NPHS1: variants seen among roughly 807,000 people sequenced by gnomAD.
The protein encoded by NPHS1 is nephrin.
NPHS1 carries 107 observed loss-of-function variants against 139.7 expected under a neutral mutation model. That is an observed-to-expected ratio of 0.77 (90% CI 0.66 to 0.90). The LOEUF is 0.90. Among genes scored for constraint, NPHS1 ranks in the 40% least tolerant of loss-of-function variants. The probability of loss-of-function intolerance (pLI) is 0.00; values close to 1 mark genes in which losing one functional copy is unlikely to be tolerated. For synonymous variants in NPHS1, 707 were observed against 706.6 expected (o/e 1.00, Z -0.01); for missense variants, 1,580 against 1,654.2 (o/e 0.96, Z 0.78).
chr19:35,841,825 C>T lies in NPHS1; in HGVS notation c.2705G>A (p.Ser902Asn), dbSNP rs749246924. Residue 902 changes from serine to asparagine, a missense_variant, in exon 20 of 29, where the codon AGC becomes AAC. By Grantham distance (46) the Ser-to-Asn change is conservative. Coordinates refer to ENST00000378910, the MANE Select transcript of NPHS1 (RefSeq NM_004646.4). ...AGACACGTTGGCAATGGTCAGGAGG[C>T]TGCTGTGGACACCACCCTGGTGGTA... ...HTYHQGGVHS[S>N]LLTIANVSAA... The T allele has an allele frequency of 5.0e-5, 80 of 1,613,850 alleles. No homozygotes were observed. Among genetic ancestry groups the T allele is most frequent in the Non-Finnish European group, 6.8e-5 (80 of 1,179,944 alleles).
chr19:35,841,149 C>T lies in NPHS1; in HGVS notation c.2815+566G>A, dbSNP rs191321564. Among the ~76,000 whole-genome samples the T allele has an allele frequency of 2.4e-3, 358 of 151,226 alleles. 1 individual carries two copies. Among genetic ancestry groups the T allele is most frequent in the African/African-American group, 8.0e-3 (331 of 41,332 alleles). On this transcript the variant is annotated intron_variant, in intron 20 of 28. Transcript: ENST00000378910. ...ATCCCACCACTTTGGGAGGCTGAGG[C>T]GGGCAGATCACCTGAGGTCAGGAGA...
chr19:35,827,818 G>A (rs1972817949), intron 28 of NPHS1, among the ~76,000 whole-genome samples: 1 of 152,192 alleles, frequency 6.6e-6, no homozygotes, highest in Non-Finnish European at 1.5e-5. Flanking sequence ...TTGGGAGGCT[G>A]AGGCAGGAGA....
At position 35,845,315 on chromosome 19, in the gene NPHS1, G is replaced by A. The variant is rs1973119105; in HGVS notation, c.1930+53C>T. 6.4e-7 allele frequency: 1 copy of A among 1,558,244 alleles called. No individual in the cohort carries two copies. Among genetic ancestry groups the A allele is most frequent in the South Asian group, 1.1e-5 (1 of 90,056 alleles). On this transcript the variant is annotated intron_variant, in intron 14 of 28. Transcript: ENST00000378910. This position sits in a 1 kb window ranked among gnomAD's most constrained non-coding sequence, Gnocchi z 5.5. ...AGGAAAAAAAGGTAAGACCCAAGGAGTAGTTTAGGGTCAAGAAGGCATCGA... is the reference window on the plus strand; with the variant it reads ...AGGAAAAAAAGGTAAGACCCAAGGAATAGTTTAGGGTCAAGAAGGCATCGA...
rs1298603657 is a variant in NPHS1, at chr19:35,845,634, A to G, written c.1757+35T>C. On this transcript the variant is annotated intron_variant, in intron 13 of 28. Transcript: ENST00000378910. The surrounding 1 kb of genome is among the most constrained non-coding windows in gnomAD (Gnocchi z 5.5). Reference sequence around the variant, plus strand: ...GGACATGCGTGGAGGGGGCGAGGCCAGACCAGAGAGGGGAGGGATCCCTCG... The same window carrying G: ...GGACATGCGTGGAGGGGGCGAGGCCGGACCAGAGAGGGGAGGGATCCCTCG... 1.2e-6 allele frequency: 2 copies of G among 1,611,018 alleles called. No individual in the cohort carries two copies. The highest frequency in any genetic ancestry group is 3.4e-5 in the Admixed American group (2 of 59,596).
intron 28 of NPHS1, among the ~76,000 whole-genome samples, chr19:35,828,424 C>T (rs1972829260): frequency 6.6e-6 from 1 of 152,110 alleles, no homozygotes; most frequent in Non-Finnish European, 1.5e-5. Flanking sequence ...GCCACCACAC[C>T]CGGCTAACTT....
chr19:35,851,333 T>C lies in NPHS1; in HGVS notation c.326A>G (p.Tyr109Cys), dbSNP rs993777150. The C allele has an allele frequency of 1.2e-6, 2 of 1,613,822 alleles. No homozygotes were observed. The highest frequency in any genetic ancestry group is 8.5e-7 in the Non-Finnish European group (1 of 1,179,902). ...EACDLSDDAEYECQVGRSEMG... is the reference protein window; with the variant it reads ...EACDLSDDAECECQVGRSEMG... ...CTCAGAGCGGCCGACCTGGCACTCA[T>C]ACTCCGCGTCATCGCTGAGGTCACA... Residue 109 changes from tyrosine (Y) to cysteine (C), a missense_variant, in exon 3 of 29, where the codon TAT (tyrosine) becomes TGT (cysteine). Tyr to Cys is a radical substitution (Grantham distance 194). Transcript: ENST00000378910.
At chr19:35,851,204 G>A (rs1226010240) in intron 3 of NPHS1, 58 bp downstream of exon 3, 34 of 1,613,248 alleles carry the variant, frequency 2.1e-5, no homozygotes, top group African/African-American at 4.0e-5. Context: ...TCCGGGTTGC[G>A]GGGTAGGGGA....
Position 35,831,424 on chromosome 19 carries a change from C to A in NPHS1, c.3311+52G>T, listed in dbSNP as rs966276956. The A allele has an allele frequency of 2.5e-6, 4 of 1,613,074 alleles. No homozygotes were observed. The Admixed American group carries it at 6.7e-5, about 27-fold the overall frequency. ...TTGAGTGCTGCCCCCCGCCACCAGT[C>A]TCCCCCAAACCTCCCTCAGAGCCTT... On this transcript the variant is annotated intron_variant, in intron 25 of 28. Transcript: ENST00000378910.
Position 35,846,133 on chromosome 19 carries a change from C to G in NPHS1, c.1502G>C (p.Ser501Thr). The change falls in exon 12 of 29, where the codon AGC becomes ACC. Residue 501 changes from serine (S) to threonine (T), a missense_variant. Ser to Thr is a moderately conservative substitution (Grantham distance 58). Coordinates refer to ENST00000378910, the MANE Select transcript of NPHS1 (RefSeq NM_004646.4). ...GAAGGTGCTCCCAGATTTCTCCACG[C>G]TGCCGAGATGCACGCGCCGCGACTC... ...PQESRRVHLG[S>T]VEKSGSTFSR... The G allele has an allele frequency of 1.9e-6, 3 of 1,598,132 alleles. No individual in the cohort carries two copies. Among genetic ancestry groups the G allele is most frequent in the Non-Finnish European group, 1.7e-6 (2 of 1,173,600 alleles).
chr19:35,838,176 G>A lies in NPHS1; in HGVS notation c.3109+1061C>T, dbSNP rs375886937. The stretch of plus-strand genomic sequence containing the variant: ...GGAAAATTGCTCAAACCCAGGAGGC[G>A]GGGGTTGCAGTGAGCCGAGACGGCA... On this transcript the variant is annotated intron_variant, in intron 22 of 28. Coordinates refer to ENST00000378910, the MANE Select transcript of NPHS1 (RefSeq NM_004646.4). Among the ~76,000 whole-genome samples, 10 of 151,896 alleles carry A rather than the reference G, an allele frequency of 6.6e-5. No individual in the cohort carries two copies. The East Asian group carries it at 7.8e-4, about 12-fold the overall frequency.
chr19:35,831,821 G>T, intron 23 of NPHS1, 59 bp from the exon 24 acceptor site: 2 of 1,533,840 alleles, frequency 1.3e-6, no homozygotes, highest in East Asian at 2.4e-5. Flanking sequence ...GCCAGGGGTG[G>T]GTCTCCCCGA....
rs745330001 is a variant in NPHS1 at position 35,846,106 on chromosome 19, G to C, written c.1529C>G (p.Ser510Cys). Residue 510 changes from serine (S) to cysteine (C), a missense_variant, in exon 12 of 29, where the codon TCC (serine) becomes TGC (cysteine). By Grantham distance (112) the Ser-to-Cys change is moderately radical. Coordinates refer to ENST00000378910, the MANE Select transcript of NPHS1 (RefSeq NM_004646.4). Reference sequence around the variant, plus strand: ...CCCTGTGACCAGCACCAGCTCTCGGGAGAAGGTGCTCCCAGATTTCTCCAC... The same window carrying C: ...CCCTGTGACCAGCACCAGCTCTCGGCAGAAGGTGCTCCCAGATTTCTCCAC... ...GSVEKSGSTFSRELVLVTGPS... is the reference protein window; with the variant it reads ...GSVEKSGSTFCRELVLVTGPS... 6.3e-7 allele frequency: 1 copy of C among 1,597,188 alleles called. No homozygotes were observed. The highest frequency in any genetic ancestry group is 8.5e-7 in the Non-Finnish European group (1 of 1,172,738).
rs756048226 is a variant in NPHS1, at chr19:35,848,032, G to A, written c.1440+9C>T. ...CTGGCCACCCCCATAGCCCTGGCGT[G>A]GCACCAACCTTGTACCACATGAGGG... On this transcript the variant is annotated intron_variant, in intron 11 of 28. Coordinates refer to ENST00000378910, the MANE Select transcript of NPHS1 (RefSeq NM_004646.4). The A allele has an allele frequency of 4.3e-6, 7 of 1,613,596 alleles. No homozygotes were observed. Among genetic ancestry groups the A allele is most frequent in the Non-Finnish European group, 5.9e-6 (7 of 1,179,994 alleles).
rs1482127176 is a variant in NPHS1 at position 35,846,177 on chromosome 19, G to A, written c.1458C>T (p.Thr486=). Residue 486 remains threonine (T), a synonymous_variant, in exon 12 of 29, where the codon ACC becomes ACT. Transcript: ENST00000378910. ...LMWYKDSRTV[T]ESRLPQESRR... is the part of the protein sequence containing the mutation. ...GCGACTCCTGCGGCAGCCGCGACTC[G>A]GTCACGGTGCGCGAGTCCTACGGGC... The A allele has an allele frequency of 6.3e-7, 1 of 1,593,414 alleles. No individual in the cohort carries two copies. The highest frequency in any genetic ancestry group is 1.3e-5 in the African/African-American group (1 of 74,582).
rs758396671 is a variant in NPHS1 at position 35,850,327 on chromosome 19, A to AG, written c.608+36dup. 6 of 1,560,958 alleles carry AG rather than the reference A, an allele frequency of 3.8e-6. No homozygotes were observed. In the Admixed American group the frequency reaches 8.3e-5, roughly 22 times the overall value. On this transcript the variant is annotated intron_variant, in intron 5 of 28. Coordinates refer to ENST00000378910, the MANE Select transcript of NPHS1 (RefSeq NM_004646.4). ...GTCTGGGGTTCCCATGGGGAAAATT[A>AG]GGGGTCAAGGTTGGGGGGTTGTTTC...
In NPHS1 at chr19:35,851,907, G is replaced by T; in HGVS notation, c.-70C>A. 7.3e-7 allele frequency: 1 copy of T among 1,376,910 alleles called. No individual in the cohort carries two copies. The highest frequency in any genetic ancestry group is 1.0e-6 in the Non-Finnish European group (1 of 989,544). 85.3% of individuals were successfully genotyped at this position (1,376,910 alleles called of 1,614,324 possible). ...ACCTGCGTCTGTCTGGCTTTCTCTG[G>T]GTCCCTCTCTGTGTGTCTCTGCCAC... On this transcript the variant is annotated 5_prime_UTR_variant, in exon 1 of 29. Coordinates refer to ENST00000378910, the MANE Select transcript of NPHS1 (RefSeq NM_004646.4).
intron 17 of NPHS1, 113 bp from the exon 18 acceptor site, chr19:35,842,663 G>T (rs755016076): frequency 9.2e-6 from 10 of 1,091,680 alleles, no homozygotes; most frequent in Non-Finnish European, 1.4e-5. Context: ...CTCCACAGAG[G>T]TATTGAAGAA....
chr19:35,836,236 G>A (rs948766742), intron 22 of NPHS1, among the ~76,000 whole-genome samples: 2 of 149,118 alleles, frequency 1.3e-5, no homozygotes, highest in African/African-American at 2.5e-5. Flanking sequence ...TGGGATTACA[G>A]GCGTGAGCCA....
At position 35,850,983 on chromosome 19, in the gene NPHS1, T is replaced by G; in HGVS notation, c.504A>C (p.Ala168=). ...CACTCAGGAGAATGGTGATGTCAGG[T>G]GCTGGCTTCGCGTCCCCAGACACAC... ...VNCVSGDAKP[A]PDITILLSGQ... The change falls in exon 4 of 29, where the codon GCA becomes GCC. Residue 168 remains alanine, a synonymous_variant. Transcript: ENST00000378910. 6.2e-7 allele frequency: 1 copy of G among 1,614,084 alleles called. No individual in the cohort carries two copies. Among genetic ancestry groups the G allele is most frequent in the Non-Finnish European group, 8.5e-7 (1 of 1,180,006 alleles).
Sources: gnomAD v4.1 joint callset for allele counts (sites outside exome capture counted in the v4.1 genomes callset) on GRCh38, gnomAD v4.1.1 for gene constraint, Gnocchi (gnomAD v3.1) non-coding constraint, MANE v1.5 for transcripts, NCBI Gene and HGNC (gene_info 2026-07-23, HGNC 2026-07-21) for gene names.